Variants in PHACTR1 observed in about 807,000 individuals in gnomAD.
PHACTR1 encodes the protein RPEL repeat containing 1.
A neutral mutation model predicts 69.2 loss-of-function variants in PHACTR1; 16 were observed. The ratio of observed to expected loss-of-function variants is 0.23; its 90% CI spans 0.16 to 0.35. The LOEUF (loss-of-function observed/expected upper bound fraction) is 0.35. PHACTR1 is among the 10% of genes least tolerant of loss of function. PHACTR1 has a pLI of 1.00. For missense variants in PHACTR1, 510 were observed against 734.7 expected, an observed-to-expected ratio of 0.69 and a Z score of 3.54; for synonymous variants, 312 against 284.5, an observed-to-expected ratio of 1.10 and a Z score of -0.97.
chr6:13,249,731 G>A (rs1164616563), intron 10 of PHACTR1, among the ~76,000 whole-genome samples: 3 of 150,948 alleles, frequency 2.0e-5, no homozygotes, highest in Non-Finnish European at 3.0e-5. Flanking sequence ...CCTGGGAGGC[G>A]GAGGTTGCAG....
intron 4 of PHACTR1, among the ~76,000 whole-genome samples, chr6:13,039,817 T>G (rs1443774462): frequency 6.6e-6 from 1 of 152,244 alleles, no homozygotes; most frequent in Admixed American, 6.5e-5. Context: ...CAGGCATGGA[T>G]AAAAGTAAAT....
At chr6:12,959,188 AAAAAAAAGAAAAG>A (rs1403551890) in intron 4 of PHACTR1, among the ~76,000 whole-genome samples, 29 of 108,680 alleles carry the variant, frequency 2.7e-4, no homozygotes, top group African/African-American at 1.5e-3. Context: ...AAAAAAAAAA[AAAAAAAAGAAAAG>A]AAAAAAAAAA....
intron 5 of PHACTR1, among the ~76,000 whole-genome samples, chr6:13,100,096 C>A (rs1230454032): frequency 6.6e-6 from 1 of 152,166 alleles, no homozygotes; most frequent in Non-Finnish European, 1.5e-5. Context: ...AATATCTAGT[C>A]CTCAACCATC....
chr6:12,966,276 G>A (rs1331862670), intron 4 of PHACTR1, among the ~76,000 whole-genome samples: 4 of 152,204 alleles, frequency 2.6e-5, no homozygotes, highest in African/African-American at 9.7e-5. Context: ...GCTGCTGAGA[G>A]ACTCTTGCTA....
chr6:13,278,460 T>G (rs901167524), intron 12 of PHACTR1, 131 bp downstream of exon 12: 26 of 740,372 alleles, frequency 3.5e-5, no homozygotes, highest in Non-Finnish European at 5.2e-5. Context: ...AGTGCCACTC[T>G]CTTACTCTAT....
At chr6:13,116,046 C>T (rs1338700931) in intron 5 of PHACTR1, among the ~76,000 whole-genome samples, 1 of 152,190 alleles carries the variant, frequency 6.6e-6, no homozygotes, top group Admixed American at 6.5e-5. Flanking sequence ...TCTCTTGACA[C>T]ACCAGTTCTC....
intron 4 of PHACTR1, among the ~76,000 whole-genome samples, chr6:12,812,703 A>G (rs1775158614): frequency 6.6e-6 from 1 of 152,212 alleles, no homozygotes; most frequent in Non-Finnish European, 1.5e-5. Context: ...TACGTTAGTG[A>G]TTCGAGCACA....
At chr6:13,051,645 C>T (rs921321843) in intron 4 of PHACTR1, among the ~76,000 whole-genome samples, 6 of 152,204 alleles carry the variant, frequency 3.9e-5, no homozygotes, top group Non-Finnish European at 8.8e-5. Flanking sequence ...AGAACAGCCC[C>T]TTCTCTTTCA....
At chr6:13,205,711 G>T in intron 7 of PHACTR1, 104 bp from the exon 8 acceptor site, 2 of 1,114,698 alleles carry the variant, frequency 1.8e-6, no homozygotes, top group Non-Finnish European at 1.3e-6. Flanking sequence ...TACCTAAGAG[G>T]CTCAACTCAT....
At chr6:12,933,515 G>C in intron 4 of PHACTR1, 1 of 1,505,100 alleles carries the variant, frequency 6.6e-7, no homozygotes, top group Non-Finnish European at 8.9e-7. Flanking sequence ...CAAACAGATC[G>C]GTTAGAACTG....
chr6:12,920,045 A>T (rs1267036729), intron 4 of PHACTR1, among the ~76,000 whole-genome samples: 1 of 152,210 alleles, frequency 6.6e-6, no homozygotes, highest in Middle Eastern at 3.2e-3. Flanking sequence ...TCAAAAAGAG[A>T]CAGAGAAACT....
In PHACTR1 at chr6:12,916,540, GTTT is replaced by G. The variant is rs10586172; in HGVS notation, c.251-136810_251-136808del. On this transcript the variant is annotated intron_variant, in intron 4 of 14. Coordinates refer to ENST00000332995, the MANE Select transcript of PHACTR1 (RefSeq NM_030948.6). ...GTTTATACACTAGAGGGCATGGACT[GTTT>G]TTTTTTTTTTTTTTGACAATTTATC... is the stretch of plus-strand genomic sequence containing the variant. Among the ~76,000 whole-genome samples the G allele has an allele frequency of 1.3e-3, 171 of 133,448 alleles. 1 individual carries two copies. The South Asian group carries it at 0.019, about 15-fold the overall frequency. The allele number at this position is 133,448 out of a possible 152,430, so 87.5% of individuals were successfully genotyped here. A position where few individuals can be genotyped will look rare whatever the true frequency, so the allele number is the denominator to read the frequency against.
chr6:13,249,102 C>T (rs1773989071), intron 10 of PHACTR1, among the ~76,000 whole-genome samples: 1 of 152,164 alleles, frequency 6.6e-6, no homozygotes, highest in Non-Finnish European at 1.5e-5. Context: ...AGCCTTTTGG[C>T]CATGCTCGTG....
rs1039919991 is a variant in PHACTR1, at chr6:13,123,095, C to T, written c.416-37109C>T. On this transcript the variant is annotated intron_variant, in intron 5 of 14. Transcript: ENST00000332995. ...CTCAGAACTTGGGAGGAGAAAAGGG[C>T]CCCCCAAAAAAGAGTGAAAGAATAA... is the stretch of plus-strand genomic sequence containing the variant. Among the ~76,000 whole-genome samples the T allele has an allele frequency of 3.3e-5, 5 of 151,944 alleles. No individual in the cohort carries two copies. The East Asian group carries it at 9.6e-4, about 29-fold the overall frequency.
At chr6:12,800,565 G>T (rs773556136) in intron 4 of PHACTR1, among the ~76,000 whole-genome samples, 3 of 152,052 alleles carry the variant, frequency 2.0e-5, no homozygotes, top group Non-Finnish European at 4.4e-5. Context: ...TGAGCTATTC[G>T]ATCTAGAAAA....
At chr6:12,944,777 ATTTTTATTTATTTTT>A (rs1790441567) in intron 4 of PHACTR1, among the ~76,000 whole-genome samples, 15 of 135,744 alleles carry the variant, frequency 1.1e-4, no homozygotes, top group Admixed American at 2.3e-4. Flanking sequence ...TTATTTATTT[ATTTTTATTTATTTTT>A]TTTTTTTTGA....
At chr6:13,258,214 TG>T (rs1488133034) in intron 10 of PHACTR1, among the ~76,000 whole-genome samples, 1 of 151,670 alleles carries the variant, frequency 6.6e-6, no homozygotes, top group Admixed American at 6.6e-5. Context: ...AAAAATTAGC[TG>T]GGCATGGTGG....
intron 4 of PHACTR1, among the ~76,000 whole-genome samples, chr6:12,815,660 G>C (rs1314018668): frequency 6.6e-6 from 1 of 152,126 alleles, no homozygotes; most frequent in South Asian, 2.1e-4. Context: ...CATCCAAAAC[G>C]GGGAAAATAC....
chr6:13,116,529 T>C lies in PHACTR1; in HGVS notation c.416-43675T>C, dbSNP rs1457625887. On this transcript the variant is annotated intron_variant, in intron 5 of 14. Coordinates refer to ENST00000332995, the MANE Select transcript of PHACTR1 (RefSeq NM_030948.6). The stretch of plus-strand genomic sequence containing the variant: ...TTTTAGAAGACATAACAGTGTTTAC[T>C]TTTAGGGAGGATGGAGGAAATTGGT... 3.3e-5 allele frequency among the ~76,000 whole-genome samples: 5 copies of C among 152,296 alleles called. No homozygotes were observed. The South Asian group carries it at 8.3e-4, about 25-fold the overall frequency.
Sources: gnomAD v4.1 joint callset for allele counts (sites outside exome capture counted in the v4.1 genomes callset) on GRCh38, gnomAD v4.1.1 for gene constraint, MANE v1.5 for transcripts, NCBI Gene and HGNC (gene_info 2026-07-23, HGNC 2026-07-21) for gene names.